The following DENND5B variants were observed in gnomAD, a reference collection of about 807,000 sequenced individuals.
The protein encoded by DENND5B is DENN domain containing 5B.
A neutral mutation model predicts 140.6 loss-of-function variants in DENND5B; 34 were observed. The ratio of observed to expected loss-of-function variants is 0.24; its 90% CI spans 0.18 to 0.32. The LOEUF is 0.32. Ranked by LOEUF, DENND5B falls within the 10% of genes least tolerant of loss-of-function variation. The pLI is 1.00. For synonymous variants in DENND5B, 551 were observed against 562.1 expected (o/e 0.98, Z 0.28); for missense variants, 1,142 against 1,560.2 (o/e 0.73, Z 4.52).
In DENND5B at chr12:31,390,776, C is replaced by CA. The variant is rs565591819; in HGVS notation, c.3467-1279dup. Reference sequence around the variant, plus strand: ...CAGTGGCTCACACCTGTAATCCCAGCACCTTGGGAGGCCAAGGCAAGTGGA... The same window carrying CA: ...CAGTGGCTCACACCTGTAATCCCAGCAACCTTGGGAGGCCAAGGCAAGTGGA... On this transcript the variant is annotated intron_variant, in intron 19 of 20. Transcript: ENST00000389082. Among the ~76,000 whole-genome samples the CA allele has an allele frequency of 1.2e-4, 19 of 152,324 alleles. No individual in the cohort carries two copies. The East Asian group carries it at 2.7e-3, about 22-fold the overall frequency.
At chr12:31,516,077 T>A (rs915276596) in intron 1 of DENND5B, among the ~76,000 whole-genome samples, 2 of 152,232 alleles carry the variant, frequency 1.3e-5, no homozygotes, top group Admixed American at 1.3e-4. Flanking sequence ...CCTTGTTTAT[T>A]GGGCTGAACT....
Position 31,447,838 on chromosome 12 carries a change from A to T in DENND5B, c.1630-69T>A. 3 of 1,074,366 alleles carry T rather than the reference A, an allele frequency of 2.8e-6. No individual in the cohort carries two copies. In the Admixed American group the frequency reaches 8.0e-5, roughly 29 times the overall value. The allele number at this position is 1,074,366 out of a possible 1,614,324, so 66.6% of individuals were successfully genotyped here. On this transcript the variant is annotated intron_variant, in intron 5 of 20. Coordinates refer to ENST00000389082, the MANE Select transcript of DENND5B (RefSeq NM_144973.4). The stretch of plus-strand genomic sequence containing the variant: ...CTCAACACTACATGATAAGCCTGAA[A>T]ATTATGTTAACTCAGGACATTCCTT...
chr12:31,403,599 AAAAAAG>A (rs1396469667), intron 14 of DENND5B, among the ~76,000 whole-genome samples: 1 of 142,732 alleles, frequency 7.0e-6, no homozygotes, highest in Non-Finnish European at 1.5e-5. Context: ...CCTCAGAAAA[AAAAAAG>A]AAAGAAAAAA....
At chr12:31,507,339 A>T (rs531448339) in intron 1 of DENND5B, among the ~76,000 whole-genome samples, 4 of 152,272 alleles carry the variant, frequency 2.6e-5, no homozygotes, top group African/African-American at 9.6e-5. Context: ...ACAAAAAAAT[A>T]AAAATGTTTC....
intron 5 of DENND5B, among the ~76,000 whole-genome samples, chr12:31,449,975 C>T (rs1370440345): frequency 1.3e-5 from 2 of 152,092 alleles, no homozygotes; most frequent in African/African-American, 4.8e-5. Context: ...TTGTGATTCG[C>T]CCGCCTCAGC....
At chr12:31,584,831 C>G (rs12371045) in intron 1 of DENND5B, among the ~76,000 whole-genome samples, 3,781 of 142,756 alleles carry the variant, frequency 0.026, 65 homozygotes, top group Non-Finnish European at 0.043. Flanking sequence ...CCACACCCCC[C>G]ACCCACCCTC....
chr12:31,538,818 G>A (rs184383186), intron 1 of DENND5B, among the ~76,000 whole-genome samples: 10 of 152,210 alleles, frequency 6.6e-5, no homozygotes, highest in African/African-American at 2.2e-4. Context: ...GTAGTGAGCC[G>A]AGATTGTGCC....
intron 2 of DENND5B, among the ~76,000 whole-genome samples, chr12:31,492,863 T>C (rs1172172353): frequency 6.6e-6 from 1 of 152,240 alleles, no homozygotes; most frequent in African/African-American, 2.4e-5. Context: ...AAGATGACGC[T>C]AGGCATCTAC....
chr12:31,534,800 G>A (rs965038265), intron 1 of DENND5B: 9 of 446,772 alleles, frequency 2.0e-5, no homozygotes, highest in South Asian at 7.2e-5. Context: ...ATCAAATGCC[G>A]TTTCTTTGAA....
intron 2 of DENND5B, among the ~76,000 whole-genome samples, chr12:31,482,573 GCTT>G (rs1158364420): frequency 1.3e-5 from 2 of 151,696 alleles, no homozygotes; most frequent in Non-Finnish European, 2.9e-5. Flanking sequence ...AATTGCTGTT[GCTT>G]CTTTTTTTTT....
At chr12:31,444,752 C>A (rs10771833) in intron 6 of DENND5B, among the ~76,000 whole-genome samples, 63,744 of 151,998 alleles carry the variant, frequency 0.42, 13,779 homozygotes, top group Admixed American at 0.58. Context: ...ATTCACATGG[C>A]TATTAAGGCA....
intron 1 of DENND5B, among the ~76,000 whole-genome samples, chr12:31,512,617 G>A: frequency 6.6e-6 from 1 of 151,648 alleles, no homozygotes; most frequent in Admixed American, 6.6e-5. Flanking sequence ...TCAAACATAG[G>A]GATATTATTA....
At chr12:31,552,903 G>T (rs1201497339) in intron 1 of DENND5B, among the ~76,000 whole-genome samples, 1 of 152,022 alleles carries the variant, frequency 6.6e-6, no homozygotes, top group Non-Finnish European at 1.5e-5. Context: ...CTGTGGGATC[G>T]GTGGTGATAT....
intron 1 of DENND5B, among the ~76,000 whole-genome samples, chr12:31,550,547 C>T (rs1418348227): frequency 6.6e-6 from 1 of 151,890 alleles, no homozygotes; most frequent in Non-Finnish European, 1.5e-5. Flanking sequence ...GTCTTTATAG[C>T]AGCATGATTT....
chr12:31,521,102 T>C (rs907174924), intron 1 of DENND5B, among the ~76,000 whole-genome samples: 8 of 151,400 alleles, frequency 5.3e-5, no homozygotes, highest in African/African-American at 1.9e-4. Flanking sequence ...TTAAAGTTGG[T>C]CTTTTTTTTT....
At position 31,392,342 on chromosome 12, in the gene DENND5B, G is replaced by A. The variant is rs1941191543; in HGVS notation, c.3391C>T (p.Leu1131Phe). The change falls in exon 19 of 21, where the codon CTT (leucine) becomes TTT (phenylalanine). Residue 1131 changes from leucine (L) to phenylalanine (F), a missense_variant. Leu to Phe is a conservative substitution (Grantham distance 22). Transcript: ENST00000389082. ...LCGENGLVAA[L>F]EQVFHHGFKS... Reference sequence around the variant, plus strand: ...AACCCATGGTGGAAAACTTGCTCAAGGGCTGCAACCAGGCCATTTTCTCCA... The same window carrying A: ...AACCCATGGTGGAAAACTTGCTCAAAGGCTGCAACCAGGCCATTTTCTCCA... 3 of 1,613,748 alleles carry A rather than the reference G, an allele frequency of 1.9e-6. No homozygotes were observed. In the South Asian group the frequency reaches 3.3e-5, roughly 18 times the overall value.
chr12:31,474,982 T>C (rs1018046274), intron 3 of DENND5B, among the ~76,000 whole-genome samples: 1 of 152,168 alleles, frequency 6.6e-6, no homozygotes, highest in African/African-American at 2.4e-5. Context: ...CAGTGCCCAA[T>C]ACAGTTAACA....
chr12:31,390,221 C>T (rs1028679543), intron 19 of DENND5B, among the ~76,000 whole-genome samples: 1 of 152,218 alleles, frequency 6.6e-6, no homozygotes. Context: ...AAAGAGCTTC[C>T]TGTGATGATG....
intron 1 of DENND5B, among the ~76,000 whole-genome samples, chr12:31,531,697 A>G (rs1383429292): frequency 6.6e-6 from 1 of 152,218 alleles, no homozygotes; most frequent in Non-Finnish European, 1.5e-5. Context: ...CCAGAATTAC[A>G]TTCCTTCCAG....
Sources: allele counts gnomAD v4.1 joint callset (sites outside exome capture counted in the v4.1 genomes callset), GRCh38; gene constraint gnomAD v4.1.1; transcripts MANE v1.5; gene names NCBI Gene and HGNC (gene_info 2026-07-23, HGNC 2026-07-21).